Variants in CNTN5 observed in about 807,000 individuals in gnomAD.
CNTN5 encodes the protein contactin-5.
Under a neutral mutation model 129.1 loss-of-function variants are expected in CNTN5, and 77 were observed. That is an observed-to-expected ratio of 0.60 (90% CI 0.50 to 0.72). The LOEUF is 0.72. Among genes scored for constraint, CNTN5 ranks in the 30% least tolerant of loss-of-function variants. The pLI is 0.00. For synonymous variants in CNTN5, 509 were observed against 465.6 expected (o/e 1.09, Z -1.20); for missense variants, 1,478 against 1,328.8 (o/e 1.11, Z -1.75).
chr11:99,424,554 C>T (rs1028153428), intron 2 of CNTN5, among the ~76,000 whole-genome samples: 6 of 152,256 alleles, frequency 3.9e-5, no homozygotes, highest in Non-Finnish European at 8.8e-5. Flanking sequence ...GGCACAGTCA[C>T]GAGCTCCATG....
At chr11:100,080,051 G>T (rs1481709123) in intron 13 of CNTN5, among the ~76,000 whole-genome samples, 1 of 152,084 alleles carries the variant, frequency 6.6e-6, no homozygotes, top group African/African-American at 2.4e-5. Flanking sequence ...TTTGATAAAG[G>T]TATAGTTTAT....
chr11:99,308,169 C>T (rs1864952142), intron 1 of CNTN5, among the ~76,000 whole-genome samples: 1 of 152,188 alleles, frequency 6.6e-6, no homozygotes, highest in Admixed American at 6.5e-5. Flanking sequence ...CTTTCTAGTA[C>T]TACTGGAAAC....
intron 1 of CNTN5, among the ~76,000 whole-genome samples, chr11:99,050,753 T>A (rs1864393976): frequency 7.4e-6 from 1 of 135,658 alleles, no homozygotes; most frequent in Admixed American, 7.9e-5. Context: ...GAATTTTCAT[T>A]TTTTTCCTCA....
chr11:99,625,102 TTATC>T lies in CNTN5; in HGVS notation c.55+68837_55+68840del, dbSNP rs1951082286. Among the ~76,000 whole-genome samples the T allele has an allele frequency of 2.6e-5, 4 of 152,182 alleles. 2 individuals carry two copies. The South Asian group carries it at 8.3e-4, about 31-fold the overall frequency. On this transcript the variant is annotated intron_variant, in intron 3 of 24. Coordinates refer to ENST00000524871, the MANE Select transcript of CNTN5 (RefSeq NM_014361.4). ...TAATTGTTCCAGAATTAATGAAAGA[TTATC>T]TATTGGTTAAAGTCACCCTGCAGGA...
At position 99,514,663 on chromosome 11, in the gene CNTN5, G is replaced by C. The variant is rs1373014317; in HGVS notation, c.-70-41482G>C. 2.0e-5 allele frequency among the ~76,000 whole-genome samples: 3 copies of C among 152,010 alleles called. No individual in the cohort carries two copies. In the South Asian group the frequency reaches 6.2e-4, roughly 31 times the overall value. On this transcript the variant is annotated intron_variant, in intron 2 of 24. Coordinates refer to ENST00000524871, the MANE Select transcript of CNTN5 (RefSeq NM_014361.4). ...GTTAGCATATTGTTTTGGCAATAAA[G>C]TATTTTAAATTGAGGTATATACGTT...
At chr11:99,450,255 G>A (rs920142386) in intron 2 of CNTN5, among the ~76,000 whole-genome samples, 1 of 57,450 alleles carries the variant, frequency 1.7e-5, no homozygotes, top group Non-Finnish European at 3.3e-5. Context: ...ATTGCTGGTA[G>A]AAATATATAT....
chr11:99,084,822 C>T (rs1417272275), intron 1 of CNTN5, among the ~76,000 whole-genome samples: 1 of 152,104 alleles, frequency 6.6e-6, no homozygotes, highest in East Asian at 1.9e-4. Flanking sequence ...TTTTATTTCT[C>T]ACTGATTTGC....
intron 18 of CNTN5, among the ~76,000 whole-genome samples, chr11:100,293,454 T>C (rs142362375): frequency 5.8e-4 from 88 of 151,960 alleles, no homozygotes; most frequent in African/African-American, 2.0e-3. Context: ...AAGGATATTC[T>C]GTTTCAAGAT....
intron 1 of CNTN5, among the ~76,000 whole-genome samples, chr11:99,061,112 A>T (rs1400447768): frequency 6.6e-6 from 1 of 152,062 alleles, no homozygotes; most frequent in Admixed American, 6.6e-5. Context: ...TGTCCAATCC[A>T]CCACTAGCCC....
chr11:100,259,761 CA>C (rs1315392623), intron 17 of CNTN5, among the ~76,000 whole-genome samples: 1 of 151,618 alleles, frequency 6.6e-6, no homozygotes, highest in Non-Finnish European at 1.5e-5. Flanking sequence ...AACAAAGAGA[CA>C]ACATACTAGA....
chr11:99,022,401 C>T (rs1275342249), intron 1 of CNTN5, among the ~76,000 whole-genome samples: 1 of 152,126 alleles, frequency 6.6e-6, no homozygotes, highest in African/African-American at 2.4e-5. Context: ...AATATTGTGA[C>T]TCTCAGTATT....
chr11:100,043,098 A>G (rs1282383637), intron 9 of CNTN5, among the ~76,000 whole-genome samples: 1 of 152,224 alleles, frequency 6.6e-6, no homozygotes, highest in African/African-American at 2.4e-5. Flanking sequence ...GGATAATACC[A>G]TAATTTTAAG....
intron 15 of CNTN5, among the ~76,000 whole-genome samples, chr11:100,199,301 C>G (rs1293324521): frequency 6.6e-6 from 1 of 151,808 alleles, no homozygotes; most frequent in Non-Finnish European, 1.5e-5. Flanking sequence ...GGACTCCGAG[C>G]GCTACCCTTT....
chr11:100,312,655 C>A (rs1172801266), intron 21 of CNTN5, among the ~76,000 whole-genome samples: 1 of 151,974 alleles, frequency 6.6e-6, no homozygotes, highest in African/African-American at 2.4e-5. Flanking sequence ...CATTTGTCAT[C>A]AAAACCAAAA....
intron 2 of CNTN5, among the ~76,000 whole-genome samples, chr11:99,552,282 T>C (rs1244483281): frequency 6.6e-6 from 1 of 151,706 alleles, no homozygotes; most frequent in Non-Finnish European, 1.5e-5. Flanking sequence ...ATTCAATAAT[T>C]ATTATCTAAA....
At chr11:99,904,831 A>C (rs1020725308) in intron 6 of CNTN5, among the ~76,000 whole-genome samples, 1 of 152,152 alleles carries the variant, frequency 6.6e-6, no homozygotes, top group African/African-American at 2.4e-5. Flanking sequence ...AGTGATTGCC[A>C]TTCTAAATGG....
intron 13 of CNTN5, among the ~76,000 whole-genome samples, chr11:100,123,886 G>C (rs955540701): frequency 6.6e-5 from 10 of 151,892 alleles, no homozygotes; most frequent in African/African-American, 2.4e-4. Context: ...TCATATTAGA[G>C]AATAAAACAA....
intron 1 of CNTN5, among the ~76,000 whole-genome samples, chr11:99,129,135 T>C (rs1466432382): frequency 6.6e-6 from 1 of 152,000 alleles, no homozygotes; most frequent in South Asian, 2.1e-4. Flanking sequence ...CTTCGGAAAG[T>C]GGATAATAAT....
At chr11:100,092,139 A>G (rs1944813338) in intron 13 of CNTN5, among the ~76,000 whole-genome samples, 1 of 152,238 alleles carries the variant, frequency 6.6e-6, no homozygotes, top group South Asian at 2.1e-4. Context: ...GAAGGTTGTA[A>G]GCAGAAGTAG....
Sources: allele counts gnomAD v4.1 joint callset (sites outside exome capture counted in the v4.1 genomes callset), GRCh38; gene constraint gnomAD v4.1.1; transcripts MANE v1.5; gene names NCBI Gene and HGNC (gene_info 2026-07-23, HGNC 2026-07-21).